CREBBP: variants seen among roughly 807,000 people sequenced by gnomAD.
CREBBP encodes CREB-binding protein.
A neutral mutation model predicts 265.0 loss-of-function variants in CREBBP; 19 were observed. The observed-to-expected ratio is 0.07, with a 90% CI of 0.05 to 0.11. The LOEUF is 0.11. Among genes scored for constraint, CREBBP ranks in the 10% least tolerant of loss-of-function variants. The pLI is 1.00. For synonymous variants in CREBBP, 1,457 were observed against 1,223.7 expected (o/e 1.19, Z -3.98); for missense variants, 2,525 against 3,219.0 (o/e 0.78, Z 5.22).
At chr16:3,871,930 A>C (rs1310141026) in intron 1 of CREBBP, among the ~76,000 whole-genome samples, 1 of 152,236 alleles carries the variant, frequency 6.6e-6, no homozygotes, top group East Asian at 1.9e-4. Context: ...CAGACAGTAC[A>C]ACTAGAAATG....
chr16:3,778,588 G>A (rs2053199392), intron 9 of CREBBP, 112 bp downstream of exon 9: 1 of 928,420 alleles, frequency 1.1e-6, no homozygotes, highest in Non-Finnish European at 1.8e-6. Context: ...TCAAGGGGAG[G>A]AGTCTGTCCC....
intron 13 of CREBBP, among the ~76,000 whole-genome samples, chr16:3,772,915 C>CAAAAAAAAAA (rs144154476): frequency 2.5e-3 from 222 of 87,712 alleles, no homozygotes; most frequent in Middle Eastern, 0.013. Context: ...ACTAAAAATA[C>CAAAAAAAAAA]AAAAAAAAAA....
rs2151298849 is a variant in CREBBP, at chr16:3,727,882, C to T, written c.7165G>A (p.Val2389Ile). Residue 2389 changes from valine to isoleucine, a missense_variant, in exon 31 of 31, where the codon GTC becomes ATC. Val to Ile is a conservative substitution (Grantham distance 29, BLOSUM62 3). This residue lies in a region of CREBBP where 473 missense variants were observed against 459.3 expected (regional missense o/e 1.03). Transcript: ENST00000262367. The part of the protein sequence containing the change: ...QTGSPHPGLA[V>I]TMASSIDQGH... Reference sequence around the variant, plus strand: ...TGATCTATGGAGCTGGCCATGGTGACTGCGAGTCCGGGGTGGGGGGAACCA... The same window carrying T: ...TGATCTATGGAGCTGGCCATGGTGATTGCGAGTCCGGGGTGGGGGGAACCA... 6.2e-7 allele frequency: 1 copy of T among 1,613,608 alleles called. No individual in the cohort carries two copies. The highest frequency in any genetic ancestry group is 1.1e-5 in the South Asian group (1 of 91,048).
At chr16:3,827,547 A>G (rs1343206470) in intron 2 of CREBBP, among the ~76,000 whole-genome samples, 1 of 151,900 alleles carries the variant, frequency 6.6e-6, no homozygotes, top group Admixed American at 6.6e-5. Context: ...GCCCGCCACC[A>G]CGCCCGGCTA....
Position 3,850,537 on chromosome 16 carries a change from T to C in CREBBP, c.558A>G (p.Pro186=). ...GGCCAGAGTTACTATTGAGGAGGCC[T>C]GGGTGGGTCTGGTTAAAGTTAGCAT... The part of the protein sequence containing the change: ...CMNANFNQTH[P]GLLNSNSGHS... Residue 186 remains proline, a synonymous_variant, in exon 2 of 31, where the codon CCA becomes CCG. Transcript: ENST00000262367. 1.9e-6 allele frequency: 3 copies of C among 1,614,272 alleles called. No homozygotes were observed. Among genetic ancestry groups the C allele is most frequent in the Non-Finnish European group, 2.5e-6 (3 of 1,180,056 alleles).
chr16:3,775,473 A>G (rs1205768531), intron 11 of CREBBP, among the ~76,000 whole-genome samples: 3 of 152,248 alleles, frequency 2.0e-5, no homozygotes, highest in East Asian at 3.9e-4. Context: ...ATCTGACAGA[A>G]CCCTTTAGAG....
intron 13 of CREBBP, among the ~76,000 whole-genome samples, chr16:3,771,849 C>T (rs2053019151): frequency 6.7e-6 from 1 of 148,550 alleles, no homozygotes; most frequent in Non-Finnish European, 1.5e-5. Context: ...CTCGCTCTGT[C>T]ACCCAGTCTG....
At position 3,725,703 on chromosome 16, in the gene CREBBP, C is replaced by G. The variant is rs547016419; in HGVS notation, c.*2015G>C. 2.6e-5 allele frequency: 6 copies of G among 233,304 alleles called. No individual in the cohort carries two copies. In the South Asian group the frequency reaches 1.1e-3, roughly 42 times the overall value. 14.5% of individuals were successfully genotyped at this position (233,304 alleles called of 1,614,324 possible). The stretch of plus-strand genomic sequence containing the variant: ...TCAAAGCTCTGTGCTAAAACTAGAT[C>G]GGACCTTTCCAACTTCTTAGAAAGG... On this transcript the variant is annotated 3_prime_UTR_variant, in exon 31 of 31. Transcript: ENST00000262367.
intron 2 of CREBBP, among the ~76,000 whole-genome samples, chr16:3,841,652 A>C (rs2054569055): frequency 6.6e-6 from 1 of 152,102 alleles, no homozygotes; most frequent in Non-Finnish European, 1.5e-5. Context: ...AAATAAATAA[A>C]TAATATTAGA....
At chr16:3,791,233 G>C (rs2053500457) in intron 5 of CREBBP, 2 of 152,604 alleles carry the variant, frequency 1.3e-5, no homozygotes, top group South Asian at 4.1e-4. Flanking sequence ...CGGGAGGGAG[G>C]TTCATCCTTC....
chr16:3,879,747 C>G (rs2055485481), intron 1 of CREBBP, 85 bp downstream of exon 1: 2 of 1,417,446 alleles, frequency 1.4e-6, no homozygotes, highest in Non-Finnish European at 1.9e-6. Flanking sequence ...CGATCGGTAT[C>G]CGCGACCACG....
chr16:3,729,254 G>A lies in CREBBP; in HGVS notation c.5793C>T (p.Thr1931=), dbSNP rs1437916275. The A allele has an allele frequency of 2.6e-6, 4 of 1,529,154 alleles. No homozygotes were observed. The South Asian group carries it at 4.8e-5, about 18-fold the overall frequency. 94.7% of individuals were successfully genotyped at this position (1,529,154 alleles called of 1,614,324 possible). The change falls in exon 31 of 31, where the codon ACC becomes ACT. Residue 1931 remains threonine, a synonymous_variant. Transcript: ENST00000262367. ...FPSVARTQPP[T]TVSTGKPTSQ... ...TGGTAGGCTTCCCTGTGGACACCGT[G>A]GTGGGGGGCTGAGTCCGGGCCACGC...
intron 1 of CREBBP, among the ~76,000 whole-genome samples, chr16:3,862,890 G>A (rs914916463): frequency 6.6e-6 from 1 of 152,164 alleles, no homozygotes; most frequent in African/African-American, 2.4e-5. Context: ...TTATTTGAAA[G>A]CTAAATTACA....
rs746656673 is a variant in CREBBP at position 3,794,331 on chromosome 16, C to CAAAAAA, written c.976-711_976-706dup. Among the ~76,000 whole-genome samples, 227 of 39,630 alleles carry CAAAAAA rather than the reference C, an allele frequency of 5.7e-3. 35 individuals carry two copies. The highest frequency in any genetic ancestry group is 0.028 in the Middle Eastern group (1 of 36). 26.0% of individuals were successfully genotyped at this position (39,630 alleles called of 152,430 possible). On this transcript the variant is annotated intron_variant, in intron 3 of 30. Transcript: ENST00000262367. ...TGGGCGACAGATCGAGACTCCGTCT[C>CAAAAAA]AAAAAAAAAAAAAAAAAAAAAAAAA...
chr16:3,745,241 GCAGAAC>G, intron 22 of CREBBP, 30 bp downstream of exon 22: 14 of 1,592,156 alleles, frequency 8.8e-6, no homozygotes, highest in Non-Finnish European at 1.2e-5. Flanking sequence ...CTGGCTCTGT[GCAGAAC>G]TGCCCTCCAG....
At chr16:3,805,541 A>C (rs1253306071) in intron 3 of CREBBP, among the ~76,000 whole-genome samples, 1 of 152,264 alleles carries the variant, frequency 6.6e-6, no homozygotes, top group East Asian at 1.9e-4. Flanking sequence ...AGCTCATCAA[A>C]GACGACAACA....
At position 3,731,446 on chromosome 16, in the gene CREBBP, C is replaced by T. The variant is rs2151317518; in HGVS notation, c.4918G>A (p.Gly1640Arg). The T allele has an allele frequency of 6.3e-7, 1 of 1,596,578 alleles. No homozygotes were observed. The change falls in exon 30 of 31, where the codon GGG (glycine) becomes AGG (arginine). Residue 1640 changes from glycine to arginine, a missense_variant. Physicochemically the swap from Gly to Arg is moderately radical, Grantham distance 125. This residue lies in a region of CREBBP where 37 missense variants were observed against 34.1 expected (regional missense o/e 1.09). Transcript: ENST00000262367. This position sits in a 1 kb window ranked among gnomAD's most constrained non-coding sequence, Gnocchi z 7.7. ...GGGGGCAGGGTGTTGATGACAGGCC[C>T]AGCGTGCAGGTGGATCACGAAGAAG... ...EVFFVIHLHA[G>R]PVINTLPPIV... is the part of the protein sequence containing the mutation.
chr16:3,874,318 A>G (rs2055357145), intron 1 of CREBBP, among the ~76,000 whole-genome samples: 1 of 152,220 alleles, frequency 6.6e-6, no homozygotes, highest in East Asian at 1.9e-4. Context: ...CACATCATGC[A>G]GCTCAGAAAA....
intron 2 of CREBBP, among the ~76,000 whole-genome samples, chr16:3,817,829 T>C (rs911558285): frequency 6.6e-6 from 1 of 151,900 alleles, no homozygotes; most frequent in Non-Finnish European, 1.5e-5. Context: ...AGGGAGCATT[T>C]GGGTGGGCAC....
Sources: gnomAD v4.1 joint callset for allele counts (sites outside exome capture counted in the v4.1 genomes callset) on GRCh38, gnomAD v4.1.1 for gene constraint, gnomAD v4.1.1 regional missense constraint, Gnocchi (gnomAD v3.1) non-coding constraint, MANE v1.5 for transcripts, NCBI Gene and HGNC (gene_info 2026-07-23, HGNC 2026-07-21) for gene names.